The following PAPPA variants were observed in gnomAD, a reference collection of about 807,000 sequenced individuals.
The protein encoded by PAPPA is pappalysin 1.
PAPPA carries 60 observed loss-of-function variants against 164.0 expected under a neutral mutation model. The ratio of observed to expected loss-of-function variants is 0.37; its 90% CI spans 0.30 to 0.45. The LOEUF is 0.45. PAPPA is among the 20% of genes least tolerant of loss of function. The probability of loss-of-function intolerance (pLI) is 1.00; values close to 1 mark genes in which losing one functional copy is unlikely to be tolerated. For missense variants in PAPPA, 1,782 were observed against 2,087.3 expected (o/e 0.85, Z 2.85); for synonymous variants, 875 against 814.1 (o/e 1.07, Z -1.27).
chr9:116,393,712 A>G lies in PAPPA; in HGVS notation c.4777-2797A>G, dbSNP rs116229263. 5.4e-3 allele frequency among the ~76,000 whole-genome samples: 828 copies of G among 152,270 alleles called. 4 individuals carry two copies. Among genetic ancestry groups the G allele is most frequent in the African/African-American group, 0.019 (795 of 41,562 alleles). ...ACTGAGGGAGGTAGTGATACTTGCG[A>G]AAAGACCTGGACAATGAAAAAGAGC... On this transcript the variant is annotated intron_variant, in intron 21 of 21. Transcript: ENST00000328252.
At chr9:116,236,649 A>G (rs752574544) in intron 7 of PAPPA, among the ~76,000 whole-genome samples, 3 of 152,112 alleles carry the variant, frequency 2.0e-5, no homozygotes, top group Non-Finnish European at 2.9e-5. Context: ...TCTTCCCCAA[A>G]CATCCTCAGA....
intron 8 of PAPPA, among the ~76,000 whole-genome samples, chr9:116,268,704 GTTTTT>G (rs995538167): frequency 1.7e-5 from 2 of 117,750 alleles, no homozygotes; most frequent in African/African-American, 6.4e-5. Context: ...ACTTAATACA[GTTTTT>G]TTTTAGTATT....
intron 5 of PAPPA, 54 bp from the exon 6 acceptor site, chr9:116,227,377 C>CTAACA (rs1462798048): frequency 1.3e-6 from 2 of 1,599,128 alleles, no homozygotes; most frequent in African/African-American, 2.7e-5. Flanking sequence ...CCATCAGTTG[C>CTAACA]TCATTCAACT....
chr9:116,232,583 T>A (rs1304517081), intron 6 of PAPPA, among the ~76,000 whole-genome samples: 1 of 152,208 alleles, frequency 6.6e-6, no homozygotes, highest in African/African-American at 2.4e-5. Context: ...TAAAATGAAT[T>A]TCATAAGACC....
At chr9:116,352,339 A>C (rs1446382312) in intron 15 of PAPPA, among the ~76,000 whole-genome samples, 1 of 152,192 alleles carries the variant, frequency 6.6e-6, no homozygotes, top group East Asian at 1.9e-4. Flanking sequence ...TTTGCTGCCA[A>C]GTATTAGAAG....
intron 6 of PAPPA, among the ~76,000 whole-genome samples, chr9:116,231,988 A>T (rs1330169652): frequency 1.3e-5 from 2 of 151,910 alleles, no homozygotes; most frequent in Non-Finnish European, 2.9e-5. Flanking sequence ...TCCTGACCTC[A>T]AGTGATCTGC....
At chr9:116,256,496 A>G (rs58825268) in intron 7 of PAPPA, among the ~76,000 whole-genome samples, 1 of 151,890 alleles carries the variant, frequency 6.6e-6, no homozygotes. Flanking sequence ...GATTTAACTC[A>G]AGAGTTTTGC....
intron 5 of PAPPA, among the ~76,000 whole-genome samples, chr9:116,226,470 A>C (rs1166037059): frequency 6.6e-6 from 1 of 152,240 alleles, no homozygotes; most frequent in Non-Finnish European, 1.5e-5. Context: ...AAGTTCTTCC[A>C]GGAATGATGA....
At chr9:116,179,569 T>G (rs1037469842) in intron 1 of PAPPA, among the ~76,000 whole-genome samples, 3 of 152,152 alleles carry the variant, frequency 2.0e-5, no homozygotes, top group Non-Finnish European at 4.4e-5. Context: ...AAGGCAAATC[T>G]TTTGACCCGG....
intron 4 of PAPPA, among the ~76,000 whole-genome samples, chr9:116,213,185 C>G (rs1002549875): frequency 4.6e-5 from 7 of 152,146 alleles, no homozygotes; most frequent in African/African-American, 1.2e-4. Context: ...AAACACACCC[C>G]CTTTCTGACT....
chr9:116,230,631 A>T (rs1231146204), intron 6 of PAPPA, among the ~76,000 whole-genome samples: 1 of 152,206 alleles, frequency 6.6e-6, no homozygotes, highest in African/African-American at 2.4e-5. Flanking sequence ...AAGATTCTTC[A>T]TTTAACAAAT....
At chr9:116,177,196 G>A (rs1275124796) in intron 1 of PAPPA, among the ~76,000 whole-genome samples, 1 of 152,050 alleles carries the variant, frequency 6.6e-6, no homozygotes, top group East Asian at 1.9e-4. Flanking sequence ...ACTTTGAAAA[G>A]TGTTCTATGA....
rs914115332 is a variant in PAPPA at position 116,306,691 on chromosome 9, TG to T, written c.3147+3742del. Among the ~76,000 whole-genome samples the T allele has an allele frequency of 1.2e-3, 183 of 152,326 alleles. 1 individual carries two copies. Among genetic ancestry groups the T allele is most frequent in the African/African-American group, 4.1e-3 (172 of 41,574 alleles). ...CAGAACCTGGTTTGGTTTAAGTGCT[TG>T]CAAATATCTTGTATTGTTCTTATTT... On this transcript the variant is annotated intron_variant, in intron 10 of 21. Coordinates refer to ENST00000328252, the MANE Select transcript of PAPPA (RefSeq NM_002581.5).
At chr9:116,180,124 G>T (rs1327361066) in intron 1 of PAPPA, among the ~76,000 whole-genome samples, 1 of 152,082 alleles carries the variant, frequency 6.6e-6, no homozygotes, top group Non-Finnish European at 1.5e-5. Flanking sequence ...TGTAATCGCT[G>T]GGATCTTGGA....
intron 1 of PAPPA, among the ~76,000 whole-genome samples, chr9:116,156,988 G>A (rs1482452986): frequency 1.3e-5 from 2 of 152,192 alleles, no homozygotes; most frequent in African/African-American, 4.8e-5. Context: ...CTGGCTGGGC[G>A]TTGCCACTTT....
chr9:116,261,092 C>T (rs911648164), intron 7 of PAPPA, among the ~76,000 whole-genome samples: 7 of 152,148 alleles, frequency 4.6e-5, no homozygotes, highest in African/African-American at 1.7e-4. Context: ...GTGTTAGTTT[C>T]CTCATCTCAC....
Position 116,216,290 on chromosome 9 carries a change from G to C in PAPPA, c.1919-3647G>C, listed in dbSNP as rs567439183. Among the ~76,000 whole-genome samples the C allele has an allele frequency of 1.6e-4, 24 of 152,208 alleles. No individual in the cohort carries two copies. In the East Asian group the frequency reaches 4.6e-3, roughly 29 times the overall value. Reference sequence around the variant, plus strand: ...TATGGTGGGTGAAAATGTGGCTGACGGGGGGTCAGCATTGTGTCCAAAGTC... The same window carrying C: ...TATGGTGGGTGAAAATGTGGCTGACCGGGGGTCAGCATTGTGTCCAAAGTC... On this transcript the variant is annotated intron_variant, in intron 4 of 21. Coordinates refer to ENST00000328252, the MANE Select transcript of PAPPA (RefSeq NM_002581.5).
At position 116,346,956 on chromosome 9, in the gene PAPPA, G is replaced by A. The variant is rs538689215; in HGVS notation, c.3781-70G>A. 1,128 of 1,343,108 alleles carry A rather than the reference G, an allele frequency of 8.4e-4. 6 individuals carry two copies. Among genetic ancestry groups the A allele is most frequent in the Non-Finnish European group, 7.7e-4 (748 of 977,044 alleles). 83.2% of individuals were successfully genotyped at this position (1,343,108 alleles called of 1,614,324 possible). Reference sequence around the variant, plus strand: ...GCGAGACTCTGAGCCGTCACCTTGGGAAGAAGGGTATTTCTCCACATCTAG... The same window carrying A: ...GCGAGACTCTGAGCCGTCACCTTGGAAAGAAGGGTATTTCTCCACATCTAG... On this transcript the variant is annotated intron_variant, in intron 14 of 21. Transcript: ENST00000328252.
chr9:116,362,245 C>A (rs1846437111), intron 17 of PAPPA, among the ~76,000 whole-genome samples: 1 of 149,808 alleles, frequency 6.7e-6, no homozygotes, highest in Non-Finnish European at 1.5e-5. Flanking sequence ...TGGGCTCCTA[C>A]CCTCTCAATT....
Sources: allele counts gnomAD v4.1 joint callset (sites outside exome capture counted in the v4.1 genomes callset), GRCh38; gene constraint gnomAD v4.1.1; transcripts MANE v1.5; gene names NCBI Gene and HGNC (gene_info 2026-07-23, HGNC 2026-07-21).